SFMBT2: variants seen among roughly 807,000 people sequenced by gnomAD.
SFMBT2 encodes the protein scm-like with four MBT domains protein 2.
A neutral mutation model predicts 110.1 loss-of-function variants in SFMBT2; 38 were observed. The observed-to-expected ratio is 0.35, with a 90% confidence interval of 0.27 to 0.45. The LOEUF (loss-of-function observed/expected upper bound fraction) is 0.45, where lower values mean the gene tolerates loss of function less well. Among genes scored for constraint, SFMBT2 ranks in the 20% least tolerant of loss-of-function variants. SFMBT2 has a pLI of 1.00. For synonymous variants in SFMBT2, 425 were observed against 425.4 expected, an observed-to-expected ratio of 1.00 and a Z score of 0.01; for missense variants, 1,011 against 1,094.9, an observed-to-expected ratio of 0.92 and a Z score of 1.08.
intron 4 of SFMBT2, among the ~76,000 whole-genome samples, chr10:7,366,673 G>C (rs1304044198): frequency 6.6e-6 from 1 of 152,096 alleles, no homozygotes; most frequent in Non-Finnish European, 1.5e-5. Context: ...GGGGTGTAGA[G>C]ATTCACGTAA....
At chr10:7,228,727 CT>C (rs1354253524) in intron 9 of SFMBT2, among the ~76,000 whole-genome samples, 9 of 91,998 alleles carry the variant, frequency 9.8e-5, no homozygotes, top group African/African-American at 5.2e-4. Context: ...TTCTTTCTTT[CT>C]TTCTTTCCTT....
chr10:7,219,794 AC>A, intron 11 of SFMBT2: 1 of 248,706 alleles, frequency 4.0e-6, no homozygotes, highest in Non-Finnish European at 6.4e-6. Flanking sequence ...CTGAAAACCC[AC>A]CACCTAGAAA....
chr10:7,315,765 C>CAAG (rs1398879227), intron 4 of SFMBT2, among the ~76,000 whole-genome samples: 5 of 152,232 alleles, frequency 3.3e-5, no homozygotes, highest in Non-Finnish European at 1.5e-5. Flanking sequence ...CAGTTAAGAG[C>CAAG]TGTATGACCT....
Position 7,285,914 on chromosome 10 carries a change from T to C in SFMBT2, c.477A>G (p.Ile159Met). The change falls in exon 5 of 21, where the codon ATA (isoleucine) becomes ATG (methionine). Residue 159 changes from isoleucine to methionine, a missense_variant. Transcript: ENST00000397167. ...EKYTDWTEFL[I>M]RDLTGSRTAP... ...CTGTCCTCGAACCAGTCAAGTCACG[T>C]ATGAGAAATTCTGTCCAGTCTGTGT... 1.1e-6 allele frequency: 1 copy of C among 872,514 alleles called. No individual in the cohort carries two copies. The allele number at this position is 872,514 out of a possible 1,614,324, so 54.0% of individuals were successfully genotyped here.
intron 1 of SFMBT2, among the ~76,000 whole-genome samples, chr10:7,382,442 T>G (rs1258734267): frequency 6.6e-6 from 1 of 151,996 alleles, no homozygotes. Context: ...TTAAAAAGAC[T>G]AATGAGTACA....
At chr10:7,199,916 G>T (rs935766913) in intron 14 of SFMBT2, among the ~76,000 whole-genome samples, 1 of 152,188 alleles carries the variant, frequency 6.6e-6, no homozygotes, top group Non-Finnish European at 1.5e-5. Flanking sequence ...TATTTCCAAA[G>T]ATTATTGTAA....
At chr10:7,385,073 C>T (rs889698454) in intron 1 of SFMBT2, among the ~76,000 whole-genome samples, 12 of 152,158 alleles carry the variant, frequency 7.9e-5, no homozygotes, top group Non-Finnish European at 1.3e-4. Flanking sequence ...CTGGATTGCC[C>T]CTGGCATGCA....
intron 11 of SFMBT2, among the ~76,000 whole-genome samples, chr10:7,217,843 G>A (rs1475559945): frequency 3.3e-5 from 5 of 152,250 alleles, no homozygotes; most frequent in East Asian, 1.9e-4. Context: ...CCTCCTTTCC[G>A]GAACACTGGC....
chr10:7,386,538 G>A (rs1845610795), intron 1 of SFMBT2, among the ~76,000 whole-genome samples: 2 of 152,102 alleles, frequency 1.3e-5, no homozygotes, highest in Non-Finnish European at 2.9e-5. Context: ...AACCCAGGAG[G>A]CAGAGGTTGC....
chr10:7,371,268 C>T (rs558042406), intron 2 of SFMBT2, among the ~76,000 whole-genome samples: 42 of 152,162 alleles, frequency 2.8e-4, no homozygotes, highest in Admixed American at 2.5e-3. Flanking sequence ...GGACTAAAGG[C>T]GTGCATCACC....
chr10:7,315,156 C>T (rs1239476681), intron 4 of SFMBT2, among the ~76,000 whole-genome samples: 3 of 152,062 alleles, frequency 2.0e-5, no homozygotes, highest in Non-Finnish European at 2.9e-5. Context: ...AAGAGTAAAA[C>T]GTCACGATCC....
At chr10:7,312,954 TA>T (rs1842900316) in intron 4 of SFMBT2, among the ~76,000 whole-genome samples, 2 of 152,124 alleles carry the variant, frequency 1.3e-5, no homozygotes, top group African/African-American at 4.8e-5. Context: ...CAAAGGACTG[TA>T]ATGAGAGGAT....
chr10:7,281,410 A>G (rs980954022), intron 6 of SFMBT2, among the ~76,000 whole-genome samples: 3 of 151,956 alleles, frequency 2.0e-5, no homozygotes, highest in African/African-American at 7.3e-5. Flanking sequence ...ACTTCTCCCC[A>G]TCGGTCATGG....
At chr10:7,374,547 C>T (rs770209229) in intron 2 of SFMBT2, among the ~76,000 whole-genome samples, 1 of 152,198 alleles carries the variant, frequency 6.6e-6, no homozygotes, top group Non-Finnish European at 1.5e-5. Flanking sequence ...ATTACAACTA[C>T]ATTTCCCAAT....
At chr10:7,164,033 A>G (rs2131504967) in intron 20 of SFMBT2, 123 bp from the exon 21 acceptor site, 1 of 1,405,824 alleles carries the variant, frequency 7.1e-7, no homozygotes, top group South Asian at 1.6e-5. Context: ...CATTCAATTC[A>G]GGGGATTGTT....
intron 16 of SFMBT2, among the ~76,000 whole-genome samples, chr10:7,181,560 A>C (rs1838247307): frequency 6.6e-6 from 1 of 152,222 alleles, no homozygotes; most frequent in South Asian, 2.1e-4. Flanking sequence ...AAATAATATA[A>C]AGGCATGTAG....
intron 4 of SFMBT2, among the ~76,000 whole-genome samples, chr10:7,304,833 T>C (rs1231249961): frequency 6.6e-6 from 1 of 152,214 alleles, no homozygotes; most frequent in African/African-American, 2.4e-5. Context: ...ACATTTGGAA[T>C]AAGACAGGTC....
intron 5 of SFMBT2, 155 bp from the exon 6 acceptor site, chr10:7,284,305 G>C: frequency 9.8e-7 from 1 of 1,024,218 alleles, no homozygotes; most frequent in Non-Finnish European, 1.4e-6. Context: ...CCCAGCCCAT[G>C]CCCCACCCCT....
At position 7,247,533 on chromosome 10, in the gene SFMBT2, T is replaced by C. The variant is rs368977829; in HGVS notation, c.972+1015A>G. ...TATAACCAATTTCCATATTCTGTAA[T>C]ACATTATCACACTACTAAATTCCTC... On this transcript the variant is annotated intron_variant, in intron 8 of 20. Transcript: ENST00000397167. Among the ~76,000 whole-genome samples the C allele has an allele frequency of 8.1e-4, 123 of 152,366 alleles. 2 individuals are homozygous for C. In the South Asian group the frequency reaches 0.025, roughly 31 times the overall value.
Sources: gnomAD v4.1 joint callset for allele counts (sites outside exome capture counted in the v4.1 genomes callset) on GRCh38, gnomAD v4.1.1 for gene constraint, MANE v1.5 for transcripts, NCBI Gene and HGNC (gene_info 2026-07-23, HGNC 2026-07-21) for gene names.